Variants in MYO1D observed in about 807,000 individuals in gnomAD.
The protein encoded by MYO1D is myosin ID.
Under a neutral mutation model 122.0 loss-of-function variants are expected in MYO1D, and 83 were observed. That is an observed-to-expected ratio of 0.68 (90% CI 0.57 to 0.82). The LOEUF (loss-of-function observed/expected upper bound fraction) is 0.82, where lower values mean the gene tolerates loss of function less well. Ranked by LOEUF, MYO1D falls within the 40% of genes least tolerant of loss-of-function variation. The pLI is 0.00. For missense variants in MYO1D, 1,157 were observed against 1,269.5 expected, an observed-to-expected ratio of 0.91 and a Z score of 1.35; for synonymous variants, 464 against 446.9, an observed-to-expected ratio of 1.04 and a Z score of -0.48.
At chr17:32,688,376 G>A (rs1056832320) in intron 16 of MYO1D, among the ~76,000 whole-genome samples, 4 of 152,048 alleles carry the variant, frequency 2.6e-5, no homozygotes, top group Non-Finnish European at 5.9e-5. Flanking sequence ...AACCTTACAC[G>A]AACGTAAATC....
chr17:32,530,333 T>C (rs1309460302), intron 21 of MYO1D, among the ~76,000 whole-genome samples: 1 of 152,220 alleles, frequency 6.6e-6, no homozygotes, highest in Admixed American at 6.5e-5. Flanking sequence ...CCTTTAAAAC[T>C]ATAATAATTG....
chr17:32,496,744 C>T (rs1297084941), intron 21 of MYO1D, among the ~76,000 whole-genome samples: 1 of 152,178 alleles, frequency 6.6e-6, no homozygotes, highest in African/African-American at 2.4e-5. Context: ...CAGCGGCCTC[C>T]CCCTGCTCGC....
intron 21 of MYO1D, among the ~76,000 whole-genome samples, chr17:32,566,719 G>A (rs974202997): frequency 6.6e-5 from 10 of 150,828 alleles, no homozygotes; most frequent in Non-Finnish European, 1.3e-4. Context: ...GTTGTTGTCC[G>A]AATCACAGGG....
intron 16 of MYO1D, among the ~76,000 whole-genome samples, chr17:32,704,291 T>A (rs554114932): frequency 1.3e-5 from 2 of 152,174 alleles, no homozygotes; most frequent in Non-Finnish European, 2.9e-5. Context: ...ACTGGCTACA[T>A]TGATTCATTT....
intron 21 of MYO1D, among the ~76,000 whole-genome samples, chr17:32,584,159 A>AT (rs1326952260): frequency 3.9e-5 from 6 of 152,036 alleles, no homozygotes; most frequent in African/African-American, 1.2e-4. Context: ...AATACTACCT[A>AT]TTTTTTATGA....
chr17:32,616,482 C>T (rs1286192306), intron 20 of MYO1D, among the ~76,000 whole-genome samples: 2 of 135,556 alleles, frequency 1.5e-5, no homozygotes, highest in Non-Finnish European at 3.1e-5. Flanking sequence ...TAATTAAAAA[C>T]TTTTTTTTTT....
intron 21 of MYO1D, among the ~76,000 whole-genome samples, chr17:32,512,352 C>T (rs1909726285): frequency 6.6e-6 from 1 of 151,170 alleles, no homozygotes; most frequent in Admixed American, 6.6e-5. Flanking sequence ...TTCTGGGATG[C>T]AAGATAAATA....
At chr17:32,581,975 G>T (rs934375945) in intron 21 of MYO1D, among the ~76,000 whole-genome samples, 4 of 152,172 alleles carry the variant, frequency 2.6e-5, no homozygotes, top group African/African-American at 9.7e-5. Flanking sequence ...ATGTTGGCCA[G>T]GCTGGTCTTG....
chr17:32,767,310 A>G (rs1277573456), intron 7 of MYO1D, among the ~76,000 whole-genome samples: 1 of 152,202 alleles, frequency 6.6e-6, no homozygotes, highest in Non-Finnish European at 1.5e-5. Flanking sequence ...CTATGATTCT[A>G]TGTTTCAAAT....
chr17:32,656,107 C>T (rs2088473586), intron 17 of MYO1D, among the ~76,000 whole-genome samples: 3 of 152,144 alleles, frequency 2.0e-5, no homozygotes, highest in Admixed American at 1.3e-4. Flanking sequence ...TAGCCCTGCA[C>T]GATGCTTATA....
rs1405622358 is a variant in MYO1D at position 32,605,146 on chromosome 17, C to T, written c.2805G>A (p.Gln935=). Residue 935 remains glutamine, a synonymous_variant, in exon 21 of 22, where the codon CAG becomes CAA. Transcript: ENST00000318217. ...KDLIVCLFSK[Q]PTHESRIGEL... is the part of the protein sequence containing the mutation. ...CTCCAATTCGACTCTCATGGGTTGG[C>T]TGTTTGCTGAAGAGGCAGACAATGA... is the stretch of plus-strand genomic sequence containing the variant. The T allele has an allele frequency of 4.3e-6, 7 of 1,610,380 alleles. No homozygotes were observed. In the East Asian group the frequency reaches 8.9e-5, roughly 21 times the overall value.
rs1567890309 is a variant in MYO1D at position 32,560,556 on chromosome 17, T to TATATATATATATATATATATAC, written c.2864+44530_2864+44531insGTATATATATATATATATATAT. Among the ~76,000 whole-genome samples, 54 of 114,102 alleles carry TATATATATATATATATATATAC rather than the reference T, an allele frequency of 4.7e-4. 1 individual carries two copies. The highest frequency in any genetic ancestry group is 9.5e-4 in the Non-Finnish European group (49 of 51,662). The allele number at this position is 114,102 out of a possible 152,430, so 74.9% of individuals were successfully genotyped here. ...ATATATATATATATATATATATATA[T>TATATATATATATATATATATAC]ATATATATATATATATATATAACTT... is the stretch of plus-strand genomic sequence containing the variant. On this transcript the variant is annotated intron_variant, in intron 21 of 21. Coordinates refer to ENST00000318217, the MANE Select transcript of MYO1D (RefSeq NM_015194.3).
intron 19 of MYO1D, among the ~76,000 whole-genome samples, chr17:32,652,572 CTCT>C (rs2088406965): frequency 6.6e-6 from 1 of 151,932 alleles, no homozygotes; most frequent in Non-Finnish European, 1.5e-5. Context: ...CTACAAAATA[CTCT>C]TTTAATGATA....
At chr17:32,771,724 T>C (rs2090114744) in intron 5 of MYO1D, among the ~76,000 whole-genome samples, 1 of 152,216 alleles carries the variant, frequency 6.6e-6, no homozygotes, top group South Asian at 2.1e-4. Flanking sequence ...GGAACCATGA[T>C]TGTAGTATTG....
chr17:32,699,470 T>C (rs2089217967), intron 16 of MYO1D, among the ~76,000 whole-genome samples: 2 of 152,196 alleles, frequency 1.3e-5, no homozygotes, highest in South Asian at 2.1e-4. Context: ...CCTTTCTCAA[T>C]GCTGTCTCAG....
At chr17:32,622,775 CCTGA>C (rs2087869800) in intron 20 of MYO1D, among the ~76,000 whole-genome samples, 1 of 152,184 alleles carries the variant, frequency 6.6e-6, no homozygotes, top group Non-Finnish European at 1.5e-5. Context: ...TTCTAGAGCA[CCTGA>C]CTATGTGATA....
chr17:32,592,584 A>G (rs2150906143), intron 21 of MYO1D, among the ~76,000 whole-genome samples: 1 of 152,350 alleles, frequency 6.6e-6, no homozygotes, highest in East Asian at 1.9e-4. Flanking sequence ...ATTATTTTAT[A>G]TGGTACTACA....
At chr17:32,863,086 G>A (rs186909152) in intron 1 of MYO1D, 20 of 152,334 alleles carry the variant, frequency 1.3e-4, no homozygotes, top group African/African-American at 4.8e-4. Context: ...ATAGGAACCT[G>A]AGAGGTGGAG....
intron 1 of MYO1D, among the ~76,000 whole-genome samples, chr17:32,804,204 C>T (rs1195929367): frequency 6.6e-6 from 1 of 152,120 alleles, no homozygotes; most frequent in East Asian, 1.9e-4. Flanking sequence ...TATGCAAACA[C>T]GATGTAAACA....
Sources: gnomAD v4.1 joint callset for allele counts (sites outside exome capture counted in the v4.1 genomes callset) on GRCh38, gnomAD v4.1.1 for gene constraint, MANE v1.5 for transcripts, NCBI Gene and HGNC (gene_info 2026-07-23, HGNC 2026-07-21) for gene names.